TLL1: variants seen among roughly 807,000 people sequenced by gnomAD.
The protein encoded by TLL1 is tolloid-like protein 1.
Under a neutral mutation model 128.2 loss-of-function variants are expected in TLL1, and 49 were observed. The ratio of observed to expected loss-of-function variants is 0.38; its 90% CI spans 0.30 to 0.48. The LOEUF is 0.48. Among genes scored for constraint, TLL1 ranks in the 20% least tolerant of loss-of-function variants. The pLI, the probability that TLL1 is intolerant of heterozygous loss-of-function variation, is 0.96. For missense variants in TLL1, 1,123 were observed against 1,242.0 expected, an observed-to-expected ratio of 0.90 and a Z score of 1.44; for synonymous variants, 454 against 418.8, an observed-to-expected ratio of 1.08 and a Z score of -1.03.
intron 1 of TLL1, among the ~76,000 whole-genome samples, chr4:165,891,922 A>T (rs1731429468): frequency 6.6e-6 from 1 of 152,216 alleles, no homozygotes; most frequent in Non-Finnish European, 1.5e-5. Flanking sequence ...TTACTGTATT[A>T]GTCCTCATGC....
chr4:166,033,304 CTGATT>C (rs1164204855), intron 9 of TLL1, among the ~76,000 whole-genome samples: 2 of 152,046 alleles, frequency 1.3e-5, no homozygotes, highest in Non-Finnish European at 1.5e-5. Context: ...AAAGAAAACT[CTGATT>C]TGAGAAAATG....
chr4:165,924,736 G>A (rs1733191608), intron 1 of TLL1, among the ~76,000 whole-genome samples: 1 of 152,154 alleles, frequency 6.6e-6, no homozygotes, highest in African/African-American at 2.4e-5. Flanking sequence ...TGCCATCTAG[G>A]ACTTTCATAG....
At position 166,061,650 on chromosome 4, in the gene TLL1, C is replaced by T. The variant is rs115726450; in HGVS notation, c.2007+1462C>T. On this transcript the variant is annotated intron_variant, in intron 15 of 20. Transcript: ENST00000061240. ...TAGGTAAAAAAGAGGTAGCTGACTT[C>T]TGTGTTCTCTTAAAGAAAATTAAAG... 5.5e-3 allele frequency among the ~76,000 whole-genome samples: 838 copies of T among 152,122 alleles called. 7 individuals carry two copies. Among genetic ancestry groups the T allele is most frequent in the African/African-American group, 0.019 (803 of 41,502 alleles).
intron 7 of TLL1, among the ~76,000 whole-genome samples, chr4:166,011,958 T>C (rs2111047210): frequency 6.6e-6 from 1 of 151,652 alleles, no homozygotes; most frequent in African/African-American, 2.4e-5. Context: ...AATTCTGAAC[T>C]CACAGAGTCT....
chr4:166,026,251 C>T (rs1169879103), intron 9 of TLL1, among the ~76,000 whole-genome samples: 2 of 151,664 alleles, frequency 1.3e-5, no homozygotes, highest in Admixed American at 1.3e-4. Context: ...TAGCCTGGCA[C>T]TGTGGCACAC....
At chr4:165,927,622 T>G (rs1733335624) in intron 1 of TLL1, among the ~76,000 whole-genome samples, 1 of 152,174 alleles carries the variant, frequency 6.6e-6, no homozygotes, top group African/African-American at 2.4e-5. Flanking sequence ...GAAGATTATC[T>G]CCTGTAAGAT....
At chr4:166,077,229 T>TAAA (rs34063206) in intron 17 of TLL1, among the ~76,000 whole-genome samples, 125 of 145,984 alleles carry the variant, frequency 8.6e-4, no homozygotes, top group African/African-American at 2.9e-3. Context: ...ATTTTAATTG[T>TAAA]AAAAAAAAAA....
At chr4:166,027,909 C>G (rs1738582042) in intron 9 of TLL1, among the ~76,000 whole-genome samples, 1 of 151,986 alleles carries the variant, frequency 6.6e-6, no homozygotes, top group South Asian at 2.1e-4. Context: ...ATCTATAAAA[C>G]TATATTTCCA....
chr4:165,943,161 A>C (rs558648322), intron 1 of TLL1, among the ~76,000 whole-genome samples: 3 of 152,194 alleles, frequency 2.0e-5, no homozygotes, highest in African/African-American at 7.2e-5. Context: ...TAGCTCATTC[A>C]AATAGAATCA....
At chr4:165,916,977 T>A (rs1457682625) in intron 1 of TLL1, among the ~76,000 whole-genome samples, 1 of 152,184 alleles carries the variant, frequency 6.6e-6, no homozygotes, top group Non-Finnish European at 1.5e-5. Context: ...ATTTTTATTC[T>A]GGTAACATTG....
chr4:166,082,643 T>G (rs1031798408), intron 18 of TLL1, among the ~76,000 whole-genome samples: 1 of 152,070 alleles, frequency 6.6e-6, no homozygotes, highest in African/African-American at 2.4e-5. Context: ...TTTGCCTGAT[T>G]TCTTTAGGAT....
In TLL1 at chr4:165,995,081, A is replaced by T; in HGVS notation, c.535A>T (p.Lys179Ter). 1 of 1,613,916 alleles carries T rather than the reference A, an allele frequency of 6.2e-7. No individual in the cohort carries two copies. Among genetic ancestry groups the T allele is most frequent in the Non-Finnish European group, 8.5e-7 (1 of 1,179,880 alleles). ...NFTGSQRAMF[K>*]QAMRHWEKHT... The stretch of plus-strand genomic sequence containing the variant: ...TCTAGGCAGCCAGAGAGCCATGTTC[A>T]AGCAGGCCATGAGGCACTGGGAAAA... Residue 179 changes from lysine to a stop codon, truncating the protein, a stop_gained, in exon 5 of 21, where the codon AAG (lysine) becomes TAG (stop). Coordinates refer to ENST00000061240, the MANE Select transcript of TLL1 (RefSeq NM_012464.5). LOFTEE classifies it high-confidence loss of function.
intron 18 of TLL1, among the ~76,000 whole-genome samples, chr4:166,085,602 C>T (rs1741476261): frequency 6.6e-6 from 1 of 151,924 alleles, no homozygotes; most frequent in Non-Finnish European, 1.5e-5. Context: ...GTATGTTGAA[C>T]CATCCTTGCA....
intron 1 of TLL1, among the ~76,000 whole-genome samples, chr4:165,963,148 G>T (rs1282336650): frequency 6.6e-6 from 1 of 151,406 alleles, no homozygotes; most frequent in African/African-American, 2.4e-5. Flanking sequence ...ATAAATACTG[G>T]GGAATACAAG....
intron 16 of TLL1, among the ~76,000 whole-genome samples, chr4:166,073,125 T>G (rs1432878724): frequency 6.6e-6 from 1 of 152,172 alleles, no homozygotes; most frequent in Non-Finnish European, 1.5e-5. Flanking sequence ...TTAGCAGAGA[T>G]AAATTCTACA....
At chr4:166,002,114 C>G (rs79775333) in intron 5 of TLL1, among the ~76,000 whole-genome samples, 2,056 of 152,176 alleles carry the variant, frequency 0.014, 44 homozygotes, top group African/African-American at 0.047. Context: ...TCTGGAGACG[C>G]GGCACTGCAG....
Position 165,939,077 on chromosome 4 carries a change from T to C in TLL1, c.170-50304T>C, listed in dbSNP as rs146723696. ...TTCTTAATGATGTAATGATATTAAG[T>C]TTGAAGTGCAGAAAATCTGATCAGA... is the stretch of plus-strand genomic sequence containing the variant. On this transcript the variant is annotated intron_variant, in intron 1 of 20. Transcript: ENST00000061240. Among the ~76,000 whole-genome samples the C allele has an allele frequency of 4.9e-4, 75 of 152,162 alleles. No individual in the cohort carries two copies. In the East Asian group the frequency reaches 8.9e-3, roughly 18 times the overall value.
chr4:166,005,346 A>T (rs1737369354), intron 6 of TLL1, among the ~76,000 whole-genome samples: 1 of 151,952 alleles, frequency 6.6e-6, no homozygotes, highest in Non-Finnish European at 1.5e-5. Flanking sequence ...GATTTCACTA[A>T]TTAGGGAAAA....
intron 16 of TLL1, among the ~76,000 whole-genome samples, chr4:166,069,225 T>C (rs1489963777): frequency 1.3e-5 from 2 of 151,742 alleles, no homozygotes; most frequent in Non-Finnish European, 2.9e-5. Context: ...CTAATAAAGA[T>C]GTTAATATAT....
Sources: gnomAD v4.1 joint callset for allele counts (sites outside exome capture counted in the v4.1 genomes callset) on GRCh38, gnomAD v4.1.1 for gene constraint, MANE v1.5 for transcripts, NCBI Gene and HGNC (gene_info 2026-07-23, HGNC 2026-07-21) for gene names.